The following EYS variants were observed in gnomAD, a reference collection of about 807,000 sequenced individuals.
The protein encoded by EYS is EGF-like photoreceptor maintenance factor, also known as protein eyes shut homolog.
A neutral mutation model predicts 282.1 loss-of-function variants in EYS; 250 were observed. That is an observed-to-expected ratio of 0.89 (90% confidence interval 0.80 to 0.98). The LOEUF (loss-of-function observed/expected upper bound fraction) is 0.98. Among genes scored for constraint, EYS ranks in the 50% least tolerant of loss-of-function variants. The pLI is 0.00. For synonymous variants in EYS, 1,355 were observed against 1,282.9 expected, an observed-to-expected ratio of 1.06 and a Z score of -1.20; for missense variants, 4,016 against 3,709.0, an observed-to-expected ratio of 1.08 and a Z score of -2.15.
intron 24 of EYS, among the ~76,000 whole-genome samples, chr6:64,614,917 C>A (rs1205995035): frequency 6.6e-6 from 1 of 152,108 alleles, no homozygotes; most frequent in South Asian, 2.1e-4. Context: ...CTATACTGTG[C>A]TCTGTGCTCT....
At chr6:65,644,994 T>TAACAA (rs1767403951) in intron 1 of EYS, among the ~76,000 whole-genome samples, 2 of 152,068 alleles carry the variant, frequency 1.3e-5, no homozygotes, top group African/African-American at 4.8e-5. Context: ...AATAACACAA[T>TAACAA]GAAACAAACA....
chr6:64,727,971 AT>A (rs1771815930), intron 22 of EYS, among the ~76,000 whole-genome samples: 1 of 152,186 alleles, frequency 6.6e-6, no homozygotes, highest in African/African-American at 2.4e-5. Flanking sequence ...GAAGCAGGAA[AT>A]TTCCCTGACC....
At chr6:64,786,688 T>C (rs931321051) in intron 22 of EYS, among the ~76,000 whole-genome samples, 1 of 152,204 alleles carries the variant, frequency 6.6e-6, no homozygotes, top group Non-Finnish European at 1.5e-5. Flanking sequence ...TCAGAGCATC[T>C]GGTCCAGGTG....
intron 2 of EYS, among the ~76,000 whole-genome samples, chr6:65,519,050 A>G (rs1767246754): frequency 6.6e-6 from 1 of 152,174 alleles, no homozygotes; most frequent in Non-Finnish European, 1.5e-5. Context: ...AAATGAAGAA[A>G]AATGATTCTT....
intron 30 of EYS, among the ~76,000 whole-genome samples, chr6:64,261,525 T>C (rs1452076928): frequency 6.6e-6 from 1 of 152,068 alleles, no homozygotes; most frequent in African/African-American, 2.4e-5. Context: ...TAACGAAAAG[T>C]TTTCTCCTTA....
At chr6:65,531,163 CA>C (rs1767755967) in intron 2 of EYS, among the ~76,000 whole-genome samples, 1 of 151,944 alleles carries the variant, frequency 6.6e-6, no homozygotes, top group African/African-American at 2.4e-5. Flanking sequence ...GACCTCTGAT[CA>C]GGAAATAAGG....
chr6:64,017,040 C>T (rs1338128795), intron 33 of EYS, among the ~76,000 whole-genome samples: 1 of 151,790 alleles, frequency 6.6e-6, no homozygotes, highest in Non-Finnish European at 1.5e-5. Context: ...CCTCTAATTC[C>T]TGTCCTCTGC....
intron 12 of EYS, among the ~76,000 whole-genome samples, chr6:65,161,436 T>C (rs1764848392): frequency 6.6e-6 from 1 of 151,034 alleles, no homozygotes. Context: ...TATTGCAAAA[T>C]TATGCATTTT....
chr6:65,185,344 TCA>T (rs1231135705), intron 12 of EYS, among the ~76,000 whole-genome samples: 1 of 151,778 alleles, frequency 6.6e-6, no homozygotes, highest in East Asian at 2.0e-4. Flanking sequence ...ACACTCAGAC[TCA>T]CATATTCAGA....
At chr6:64,044,064 CTTTG>C (rs1770512839) in intron 33 of EYS, among the ~76,000 whole-genome samples, 2 of 152,148 alleles carry the variant, frequency 1.3e-5, no homozygotes, top group Admixed American at 6.5e-5. Flanking sequence ...GTTCAGTTAG[CTTTG>C]TTTGTGAATC....
At chr6:65,245,465 C>T (rs1410173863) in intron 12 of EYS, among the ~76,000 whole-genome samples, 2 of 152,038 alleles carry the variant, frequency 1.3e-5, no homozygotes, top group African/African-American at 2.4e-5. Flanking sequence ...ATGTAAGTCC[C>T]ATACATGTAA....
At position 64,043,706 on chromosome 6, in the gene EYS, G is replaced by C. The variant is rs114285598; in HGVS notation, c.6725+22632C>G. 4.3e-3 allele frequency among the ~76,000 whole-genome samples: 661 copies of C among 152,328 alleles called. 4 individuals carry two copies. The highest frequency in any genetic ancestry group is 0.015 in the African/African-American group (630 of 41,576). On this transcript the variant is annotated intron_variant, in intron 33 of 42. Coordinates refer to ENST00000503581, the MANE Select transcript of EYS (RefSeq NM_001142800.2). ...CAATCACTTCACTGATCTACTCCAA[G>C]TATCCTTATAATACTCTCTAACACT...
At chr6:64,644,009 T>C (rs1427072817) in intron 22 of EYS, among the ~76,000 whole-genome samples, 1 of 152,244 alleles carries the variant, frequency 6.6e-6, no homozygotes, top group Non-Finnish European at 1.5e-5. Context: ...ATATTTCCTG[T>C]AATTTTGTTT....
At chr6:63,759,451 C>T (rs900739112) in intron 41 of EYS, among the ~76,000 whole-genome samples, 1 of 152,090 alleles carries the variant, frequency 6.6e-6, no homozygotes, top group Non-Finnish European at 1.5e-5. Context: ...TTATTATATA[C>T]ATTTCACTTT....
intron 28 of EYS, among the ~76,000 whole-genome samples, chr6:64,404,302 A>T (rs1479633789): frequency 1.3e-5 from 2 of 152,158 alleles, no homozygotes; most frequent in Non-Finnish European, 2.9e-5. Flanking sequence ...CTGTTGATTC[A>T]TCTGAATTTA....
At chr6:64,439,826 C>T (rs765072179) in intron 26 of EYS, among the ~76,000 whole-genome samples, 3 of 151,700 alleles carry the variant, frequency 2.0e-5, no homozygotes, top group Non-Finnish European at 4.4e-5. Context: ...CAACTCTCAC[C>T]TTCTGAATGA....
intron 31 of EYS, among the ~76,000 whole-genome samples, chr6:64,117,462 C>A (rs1202009255): frequency 6.6e-6 from 1 of 151,024 alleles, no homozygotes; most frequent in Non-Finnish European, 1.5e-5. Flanking sequence ...ATTAAGAAAG[C>A]TTTAGCTGGA....
In EYS at chr6:64,163,725, A is replaced by T. The variant is rs58451660; in HGVS notation, c.6424+66867T>A. On this transcript the variant is annotated intron_variant, in intron 31 of 42. Coordinates refer to ENST00000503581, the MANE Select transcript of EYS (RefSeq NM_001142800.2). ...TTCTGTAAGGCAAAAGGATTTTTTTAAAAAAATTTAATCTGGCACTTTAGA... is the reference window on the plus strand; with the variant it reads ...TTCTGTAAGGCAAAAGGATTTTTTTTAAAAAATTTAATCTGGCACTTTAGA... Among the ~76,000 whole-genome samples, 478 of 152,182 alleles carry T rather than the reference A, an allele frequency of 3.1e-3. 2 individuals are homozygous for T. Among genetic ancestry groups the T allele is most frequent in the African/African-American group, 0.011 (440 of 41,554 alleles).
intron 22 of EYS, among the ~76,000 whole-genome samples, chr6:64,725,137 A>G (rs887399303): frequency 4.6e-5 from 7 of 152,130 alleles, no homozygotes; most frequent in African/African-American, 1.2e-4. Flanking sequence ...AAAATCTTAC[A>G]TTTAAGATCC....
Sources: gnomAD v4.1 joint callset for allele counts (sites outside exome capture counted in the v4.1 genomes callset) on GRCh38, gnomAD v4.1.1 for gene constraint, MANE v1.5 for transcripts, NCBI Gene and HGNC (gene_info 2026-07-23, HGNC 2026-07-21) for gene names.